Variants in ZNF254 observed in about 807,000 individuals in gnomAD.
ZNF254 encodes the protein zinc finger protein 254.
In ZNF254, 10 loss-of-function variants were observed where a neutral mutation model predicts 12.4. The ratio of observed to expected loss-of-function variants is 0.80; its 90% CI spans 0.50 to 1.36. The LOEUF (loss-of-function observed/expected upper bound fraction) is 1.36. Among genes scored for constraint, ZNF254 ranks in the 40% most tolerant of loss-of-function variants. The probability of loss-of-function intolerance (pLI) is 0.00; values close to 1 mark genes in which losing one functional copy is unlikely to be tolerated. For synonymous variants in ZNF254, 305 were observed against 253.4 expected (o/e 1.20, Z -1.93); for missense variants, 996 against 763.9 (o/e 1.30, Z -3.58).
At chr19:24,069,088 C>A (rs1971386406) in intron 2 of ZNF254, among the ~76,000 whole-genome samples, 1 of 151,876 alleles carries the variant, frequency 6.6e-6, no homozygotes, top group Non-Finnish European at 1.5e-5. Context: ...CTCACTGTAA[C>A]CTCTGCCTCC....
intron 1 of ZNF254, among the ~76,000 whole-genome samples, chr19:24,039,013 G>A (rs545580773): frequency 1.1e-4 from 17 of 152,296 alleles, no homozygotes; most frequent in African/African-American, 3.8e-4. Flanking sequence ...TTGCTTTTCT[G>A]CCCTCCTAAA....
chr19:24,099,667 A>G (rs1417786998), intron 1 of ZNF254, among the ~76,000 whole-genome samples: 1 of 152,218 alleles, frequency 6.6e-6, no homozygotes, highest in Non-Finnish European at 1.5e-5. Flanking sequence ...GTTAGCATAC[A>G]TGGATGGCCT....
chr19:24,042,609 G>A lies in ZNF254; in HGVS notation c.-189-3575G>A, dbSNP rs142419561. The stretch of plus-strand genomic sequence containing the variant: ...ATCAGAAGGGACAGACTCCAGACGC[G>A]CCACCTTAAGAGCTGTAACACTCAC... On this transcript the variant is annotated intron_variant, in intron 1 of 4. Transcript: ENST00000613065. Among the ~76,000 whole-genome samples the A allele has an allele frequency of 4.8e-3, 727 of 152,150 alleles. 10 individuals carry two copies. The highest frequency in any genetic ancestry group is 0.017 in the African/African-American group (696 of 41,512).
intron 2 of ZNF254, among the ~76,000 whole-genome samples, chr19:24,061,876 G>A (rs1290365373): frequency 6.6e-6 from 1 of 152,060 alleles, no homozygotes; most frequent in East Asian, 1.9e-4. Flanking sequence ...CTGATGTCGG[G>A]AGTTCAAGAC....
At chr19:24,061,215 CATTT>C (rs1030647477) in intron 2 of ZNF254, among the ~76,000 whole-genome samples, 30 of 152,316 alleles carry the variant, frequency 2.0e-4, no homozygotes, top group African/African-American at 2.9e-4. Context: ...GTTATTGAGA[CATTT>C]ATTTTTGTTC....
chr19:24,045,525 T>C (rs1045297908), intron 1 of ZNF254, among the ~76,000 whole-genome samples: 8 of 151,684 alleles, frequency 5.3e-5, no homozygotes, highest in Non-Finnish European at 1.0e-4. Context: ...AAAAATTAGC[T>C]GGGCGTGGTG....
chr19:24,085,338 C>G (rs1971986184), upstream of ZNF254, among the ~76,000 whole-genome samples: 1 of 132,690 alleles, frequency 7.5e-6, no homozygotes, highest in African/African-American at 2.8e-5. Flanking sequence ...AATTTTTTAT[C>G]TACAAATATT....
intron 2 of ZNF254, among the ~76,000 whole-genome samples, chr19:24,047,778 C>T (rs968319440): frequency 1.1e-4 from 16 of 150,924 alleles, no homozygotes; most frequent in African/African-American, 3.4e-4. Flanking sequence ...ACCTCTACCT[C>T]CCTGGTTTAA....
intron 3 of ZNF254, among the ~76,000 whole-genome samples, chr19:24,117,582 C>T (rs1309106727): frequency 6.6e-6 from 1 of 152,098 alleles, no homozygotes; most frequent in Non-Finnish European, 1.5e-5. Flanking sequence ...ACCCGACTTT[C>T]CAGATGCCGT....
Position 24,106,057 on chromosome 19 carries a change from G to A in ZNF254, c.148G>A (p.Ala50Thr), listed in dbSNP as rs1415637365. The stretch of plus-strand genomic sequence containing the variant: ...GATGTTAGAGAACTACAGAAACCTG[G>A]CCTTCCTGGGTGAGGATAACTTTAA... ...NVMLENYRNL[A>T]FLGIAVSKPD... Residue 50 changes from alanine (A) to threonine (T), a missense_variant, in exon 2 of 4, where the codon GCC becomes ACC. By Grantham distance (58) the Ala-to-Thr change is moderately conservative. Coordinates refer to ENST00000357002, the MANE Select transcript of ZNF254 (RefSeq NM_203282.4). 1 of 1,591,528 alleles carries A rather than the reference G, an allele frequency of 6.3e-7. No homozygotes were observed. Among genetic ancestry groups the A allele is most frequent in the African/African-American group, 1.3e-5 (1 of 74,378 alleles).
chr19:24,033,696 T>G, intron 1 of ZNF254: 1 of 286,384 alleles, frequency 3.5e-6, no homozygotes, highest in Non-Finnish European at 7.0e-6. Flanking sequence ...TCGTCACCGC[T>G]CCCGGGTTTC....
chr19:24,036,732 T>C (rs1036044007), intron 1 of ZNF254, among the ~76,000 whole-genome samples: 3 of 152,148 alleles, frequency 2.0e-5, no homozygotes, highest in Non-Finnish European at 4.4e-5. Context: ...ATGCACATTG[T>C]CCTGTGATTC....
At chr19:24,059,794 A>T (rs1971001156) in intron 2 of ZNF254, among the ~76,000 whole-genome samples, 1 of 152,138 alleles carries the variant, frequency 6.6e-6, no homozygotes, top group Admixed American at 6.5e-5. Context: ...CCCTGGCCCT[A>T]GCACTTAGGT....
At chr19:24,095,097 GA>G (rs1394708236) in intron 1 of ZNF254, among the ~76,000 whole-genome samples, 1 of 152,208 alleles carries the variant, frequency 6.6e-6, no homozygotes, top group African/African-American at 2.4e-5. Context: ...TTTTTAACAT[GA>G]AAGATGTTAA....
intron 2 of ZNF254, 75 bp downstream of exon 2, chr19:24,106,141 T>A (rs1026359594): frequency 1.4e-5 from 21 of 1,473,060 alleles, no homozygotes; most frequent in Non-Finnish European, 1.9e-5. Context: ...TTTCTGGTAA[T>A]TTACGCATTC....
chr19:24,120,428 T>C (rs1014664063), intron 3 of ZNF254, among the ~76,000 whole-genome samples: 1 of 152,132 alleles, frequency 6.6e-6, no homozygotes, highest in Non-Finnish European at 1.5e-5. Flanking sequence ...ATTTTTCAGT[T>C]TATTAATATA....
intron 1 of ZNF254, among the ~76,000 whole-genome samples, chr19:24,092,424 C>G (rs895410644): frequency 6.6e-6 from 1 of 152,038 alleles, no homozygotes; most frequent in Admixed American, 6.6e-5. Context: ...CCCTCCCCCC[C>G]GGCCTCCCAA....
At chr19:24,056,296 A>G (rs899625761) in intron 2 of ZNF254, among the ~76,000 whole-genome samples, 1 of 152,090 alleles carries the variant, frequency 6.6e-6, no homozygotes, top group African/African-American at 2.4e-5. Flanking sequence ...ATGTAACTCT[A>G]CTGCCAAAAA....
intron 2 of ZNF254, among the ~76,000 whole-genome samples, chr19:24,049,184 T>TTATATATATATATATATATA (rs1159690517): frequency 1.6e-5 from 1 of 63,170 alleles, no homozygotes; most frequent in African/African-American, 7.9e-5. Flanking sequence ...GGCTCTGGTT[T>TTATATATATATATATATATA]TATATATATA....
Sources: allele counts gnomAD v4.1 joint callset (sites outside exome capture counted in the v4.1 genomes callset), GRCh38; gene constraint gnomAD v4.1.1; transcripts MANE v1.5; gene names NCBI Gene and HGNC (gene_info 2026-07-23, HGNC 2026-07-21).